The following COLGALT2 variants were observed in gnomAD, a reference collection of about 807,000 sequenced individuals.
COLGALT2 encodes procollagen galactosyltransferase 2.
A neutral mutation model predicts 73.4 loss-of-function variants in COLGALT2; 49 were observed. The observed-to-expected ratio is 0.67, with a 90% CI of 0.53 to 0.85. The LOEUF is 0.85. Among genes scored for constraint, COLGALT2 ranks in the 40% least tolerant of loss-of-function variants. The pLI is 0.00. For synonymous variants in COLGALT2, 295 were observed against 307.6 expected, an observed-to-expected ratio of 0.96 and a Z score of 0.43; for missense variants, 722 against 790.2, an observed-to-expected ratio of 0.91 and a Z score of 1.03.
intron 1 of COLGALT2, among the ~76,000 whole-genome samples, chr1:184,002,719 T>C (rs564379654): frequency 6.6e-6 from 1 of 152,350 alleles, no homozygotes; most frequent in Admixed American, 6.5e-5. Context: ...TGGATTCTTA[T>C]TCCATGCTTT....
chr1:183,978,233 AAG>A (rs1167609058), intron 2 of COLGALT2, among the ~76,000 whole-genome samples, 175 bp downstream of exon 2: 1 of 152,224 alleles, frequency 6.6e-6, no homozygotes, highest in Non-Finnish European at 1.5e-5. Context: ...AGTAAACAGC[AAG>A]AGAGTACTGT....
intron 1 of COLGALT2, among the ~76,000 whole-genome samples, chr1:184,029,846 ATGGCTGTAGATAGGC>A (rs1223637238): frequency 6.6e-6 from 1 of 152,188 alleles, no homozygotes; most frequent in African/African-American, 2.4e-5. Context: ...CACCCAGGGC[ATGGCTGTAGATAGGC>A]TGGCAGTGTT....
chr1:183,958,310 C>T (rs1670607471), intron 6 of COLGALT2, among the ~76,000 whole-genome samples: 1 of 152,172 alleles, frequency 6.6e-6, no homozygotes, highest in Non-Finnish European at 1.5e-5. Flanking sequence ...CCACTGATGC[C>T]TGATAAAACC....
intron 1 of COLGALT2, among the ~76,000 whole-genome samples, chr1:184,023,741 C>T (rs16822337): frequency 0.022 from 3,361 of 151,994 alleles, 106 homozygotes; most frequent in African/African-American, 0.071. Context: ...ACCTGCAACA[C>T]GTACACTTAT....
At chr1:184,008,337 C>A (rs1470693929) in intron 1 of COLGALT2, among the ~76,000 whole-genome samples, 2 of 151,972 alleles carry the variant, frequency 1.3e-5, no homozygotes, top group Non-Finnish European at 1.5e-5. Flanking sequence ...TGACTTAATG[C>A]CATAAATGAT....
At chr1:184,032,414 C>T (rs1649540779) in intron 1 of COLGALT2, among the ~76,000 whole-genome samples, 1 of 152,182 alleles carries the variant, frequency 6.6e-6, no homozygotes, top group South Asian at 2.1e-4. Context: ...GTAACAATAA[C>T]TCTTTGAGAC....
At position 183,930,233 on chromosome 1, in the gene COLGALT2, C is replaced by T. The variant is rs6657181; in HGVS notation, c.1661G>A (p.Arg554Gln). 2.7e-3 allele frequency: 1,239 copies of T among 456,086 alleles called. 8 individuals are homozygous for T. The highest frequency in any genetic ancestry group is 0.022 in the African/African-American group (1,108 of 50,090). 28.3% of individuals were successfully genotyped at this position (456,086 alleles called of 1,614,324 possible). ...TCCTAGGGTGCACGGGTTTGTTCACCGTTGGCAGTCATCAGAAAGTGTTTG... is the reference window on the plus strand; with the variant it reads ...TCCTAGGGTGCACGGGTTTGTTCACTGTTGGCAGTCATCAGAAAGTGTTTG... The change falls in exon 12 of 12, where the codon CGG (arginine) becomes CAG (glutamine). Residue 554 changes from arginine (R) to glutamine (Q), a missense_variant. Transcript: ENST00000649786.
chr1:183,982,092 A>G (rs1229078952), intron 1 of COLGALT2, among the ~76,000 whole-genome samples: 1 of 152,222 alleles, frequency 6.6e-6, no homozygotes, highest in Non-Finnish European at 1.5e-5. Context: ...TTGAAATTAG[A>G]TGAGAACCAA....
chr1:184,024,872 G>A (rs1033452754), intron 1 of COLGALT2, among the ~76,000 whole-genome samples: 1 of 152,110 alleles, frequency 6.6e-6, no homozygotes, highest in Admixed American at 6.5e-5. Context: ...ATTTTGATAA[G>A]ATGCATGGGA....
At chr1:183,948,192 C>CA (rs961617977) in intron 8 of COLGALT2, among the ~76,000 whole-genome samples, 113 of 149,328 alleles carry the variant, frequency 7.6e-4, no homozygotes, top group African/African-American at 2.2e-3. Flanking sequence ...CACAAACTTC[C>CA]AAAAAAAAAG....
chr1:183,944,173 C>T (rs780603766), intron 10 of COLGALT2, 23 bp downstream of exon 10: 143 of 1,601,882 alleles, frequency 8.9e-5, no homozygotes, highest in East Asian at 4.5e-4. Context: ...AGAGCCCTCT[C>T]GTAAGATCAT....
At chr1:183,939,391 C>T (rs1428493531) in intron 11 of COLGALT2, among the ~76,000 whole-genome samples, 2 of 152,178 alleles carry the variant, frequency 1.3e-5, no homozygotes, top group African/African-American at 4.8e-5. Flanking sequence ...ATAAATGAGA[C>T]ACCTCACATC....
intron 1 of COLGALT2, among the ~76,000 whole-genome samples, chr1:183,994,129 C>T (rs775555868): frequency 1.9e-4 from 27 of 139,012 alleles, no homozygotes; most frequent in Non-Finnish European, 3.1e-4. Context: ...AACTCCAGCT[C>T]CCGGGTTCAC....
intron 4 of COLGALT2, among the ~76,000 whole-genome samples, chr1:183,972,111 A>G (rs1671052485): frequency 6.6e-6 from 1 of 152,188 alleles, no homozygotes; most frequent in Admixed American, 6.5e-5. Flanking sequence ...TACATTGAAC[A>G]TACTCCCTCT....
intron 1 of COLGALT2, among the ~76,000 whole-genome samples, chr1:184,000,655 T>A (rs1458957049): frequency 6.6e-6 from 1 of 151,906 alleles, no homozygotes; most frequent in African/African-American, 2.4e-5. Context: ...GCATCTTAAG[T>A]CTTTATTATT....
chr1:183,946,223 T>A (rs892681044), intron 8 of COLGALT2: 1 of 152,242 alleles, frequency 6.6e-6, no homozygotes, highest in South Asian at 2.1e-4. Flanking sequence ...TCAAAACCCA[T>A]GAGCAACAAC....
At chr1:184,031,391 A>G (rs1649505749) in intron 1 of COLGALT2, among the ~76,000 whole-genome samples, 1 of 152,234 alleles carries the variant, frequency 6.6e-6, no homozygotes, top group Admixed American at 6.5e-5. Flanking sequence ...ATACCAAAAC[A>G]GATTAGAGTT....
At chr1:183,985,184 G>A (rs1671454711) in intron 1 of COLGALT2, among the ~76,000 whole-genome samples, 1 of 152,172 alleles carries the variant, frequency 6.6e-6, no homozygotes, top group South Asian at 2.1e-4. Flanking sequence ...ACTCATATTG[G>A]TAAGCATGGG....
chr1:183,962,087 T>C (rs1399506580), intron 6 of COLGALT2, among the ~76,000 whole-genome samples: 2 of 151,594 alleles, frequency 1.3e-5, no homozygotes, highest in South Asian at 2.1e-4. Flanking sequence ...CAGATACTCA[T>C]AGACAACTCA....
Sources: gnomAD v4.1 joint callset for allele counts (sites outside exome capture counted in the v4.1 genomes callset) on GRCh38, gnomAD v4.1.1 for gene constraint, MANE v1.5 for transcripts, NCBI Gene and HGNC (gene_info 2026-07-23, HGNC 2026-07-21) for gene names.